The following RAB3IP variants were observed in gnomAD, a reference collection of about 807,000 sequenced individuals.
RAB3IP encodes the protein rab-3A-interacting protein.
Under a neutral mutation model 59.1 loss-of-function variants are expected in RAB3IP, and 36 were observed. That is an observed-to-expected ratio of 0.61 (90% CI 0.47 to 0.80). The LOEUF (loss-of-function observed/expected upper bound fraction) is 0.80. Among genes scored for constraint, RAB3IP ranks in the 30% least tolerant of loss-of-function variants. The pLI is 0.00. For missense variants in RAB3IP, 511 were observed against 536.0 expected (o/e 0.95, Z 0.46); for synonymous variants, 207 against 191.2 (o/e 1.08, Z -0.68).
At chr12:69,780,941 C>G (rs1874594911) in intron 3 of RAB3IP, among the ~76,000 whole-genome samples, 3 of 152,032 alleles carry the variant, frequency 2.0e-5, no homozygotes, top group Non-Finnish European at 2.9e-5. Context: ...TAAACTGTCT[C>G]TTCCCTTTTC....
chr12:69,760,995 C>CCT (rs1232789168), intron 3 of RAB3IP, among the ~76,000 whole-genome samples: 2 of 151,916 alleles, frequency 1.3e-5, no homozygotes, highest in South Asian at 2.1e-4. Context: ...TTCCATTCTT[C>CCT]CTCTCTCTCT....
chr12:69,756,691 A>G (rs556194330), intron 3 of RAB3IP, 28 bp downstream of exon 3: 1 of 1,562,614 alleles, frequency 6.4e-7, no homozygotes, highest in Admixed American at 1.9e-5. Context: ...TTATTCTTCC[A>G]TATATTATAT....
At chr12:69,787,665 A>T (rs1592558814) in intron 4 of RAB3IP, among the ~76,000 whole-genome samples, 3 of 152,062 alleles carry the variant, frequency 2.0e-5, no homozygotes, top group Admixed American at 2.0e-4. Context: ...TTTTGATGCT[A>T]CCTCCAGGAC....
intron 3 of RAB3IP, among the ~76,000 whole-genome samples, chr12:69,757,602 A>AG (rs1870432068): frequency 2.0e-5 from 3 of 152,338 alleles, no homozygotes; most frequent in Middle Eastern, 3.4e-3. Context: ...AAAATTGAGA[A>AG]GGTAGGGCAA....
chr12:69,756,337 G>A (rs1489178591), intron 2 of RAB3IP, 68 bp from the exon 3 acceptor site: 1 of 1,525,716 alleles, frequency 6.6e-7, no homozygotes, highest in South Asian at 1.2e-5. Context: ...TTCTAGAGCT[G>A]TGTGTTTAAG....
chr12:69,794,767 C>T (rs1877178859), intron 5 of RAB3IP, among the ~76,000 whole-genome samples: 1 of 152,138 alleles, frequency 6.6e-6, no homozygotes, highest in Admixed American at 6.5e-5. Context: ...TATAGAATCA[C>T]ATTTTAATGT....
chr12:69,792,232 G>A (rs963625757), intron 4 of RAB3IP, among the ~76,000 whole-genome samples: 1 of 152,068 alleles, frequency 6.6e-6, no homozygotes, highest in Non-Finnish European at 1.5e-5. Context: ...AAGACCCAAT[G>A]TACAGCACGA....
In RAB3IP at chr12:69,755,177, C is replaced by A. The variant is rs78757108; in HGVS notation, c.-25-207C>A. ...GCTCACTGCAACCTGCATTTGGGCT[C>A]AAGCAATCCTCCCACCTCATCTTCC... is the stretch of plus-strand genomic sequence containing the variant. On this transcript the variant is annotated intron_variant, in intron 1 of 10. Transcript: ENST00000247833. Among the ~76,000 whole-genome samples the A allele has an allele frequency of 6.0e-3, 907 of 152,172 alleles. 10 individuals are homozygous for A. The highest frequency in any genetic ancestry group is 0.021 in the African/African-American group (865 of 41,520).
chr12:69,781,303 C>G (rs993991511), intron 3 of RAB3IP, among the ~76,000 whole-genome samples: 1 of 152,092 alleles, frequency 6.6e-6, no homozygotes, highest in Non-Finnish European at 1.5e-5. Flanking sequence ...TCCACACACG[C>G]ACAGCATCCC....
chr12:69,779,569 A>G (rs1451586336), intron 3 of RAB3IP, among the ~76,000 whole-genome samples: 4 of 145,072 alleles, frequency 2.8e-5, no homozygotes, highest in Admixed American at 6.8e-5. Flanking sequence ...CTCTACCTGT[A>G]TATTTTTCAC....
chr12:69,773,552 CCCTT>C (rs1873569129), intron 3 of RAB3IP, among the ~76,000 whole-genome samples: 2 of 131,374 alleles, frequency 1.5e-5, no homozygotes, highest in Non-Finnish European at 3.2e-5. Context: ...CCAATGCTAT[CCCTT>C]CCCCCTCCCC....
At chr12:69,747,195 G>T (rs967792718) in intron 1 of RAB3IP, among the ~76,000 whole-genome samples, 1 of 152,128 alleles carries the variant, frequency 6.6e-6, no homozygotes, top group African/African-American at 2.4e-5. Context: ...ATAATAGTAA[G>T]AGCCAGTCTT....
chr12:69,739,253 G>GT lies in RAB3IP; in HGVS notation c.-26+223dup, dbSNP rs373871864. 6.7e-3 allele frequency: 1,022 copies of GT among 152,284 alleles called. 9 individuals are homozygous for GT. Among genetic ancestry groups the GT allele is most frequent in the African/African-American group, 0.023 (951 of 41,534 alleles). 9.4% of individuals were successfully genotyped at this position (152,284 alleles called of 1,614,324 possible). ...GGCTCCGGGCCCTTGGGGGCGGCGTGTGGGGGGGACTTTGGCGACCCGGGT... is the reference window on the plus strand; with the variant it reads ...GGCTCCGGGCCCTTGGGGGCGGCGTGTTGGGGGGGACTTTGGCGACCCGGGT... On this transcript the variant is annotated intron_variant, in intron 1 of 10. Transcript: ENST00000247833.
At chr12:69,753,225 T>G (rs1869625589) in intron 1 of RAB3IP, among the ~76,000 whole-genome samples, 1 of 152,232 alleles carries the variant, frequency 6.6e-6, no homozygotes, top group South Asian at 2.1e-4. Context: ...TGCTGAAATC[T>G]TTTTGTTTTT....
intron 3 of RAB3IP, among the ~76,000 whole-genome samples, chr12:69,782,256 C>T (rs142771524): frequency 1.0e-3 from 158 of 152,312 alleles, no homozygotes; most frequent in African/African-American, 3.5e-3. Context: ...TCTCCACCTC[C>T]CGGGTTCAAG....
chr12:69,797,828 C>G (rs1361793271), intron 6 of RAB3IP, among the ~76,000 whole-genome samples: 1 of 152,096 alleles, frequency 6.6e-6, no homozygotes, highest in Non-Finnish European at 1.5e-5. Context: ...CCAGTTTCAT[C>G]CATGTCCCTA....
At chr12:69,764,310 T>G (rs1359069744) in intron 3 of RAB3IP, among the ~76,000 whole-genome samples, 3 of 152,236 alleles carry the variant, frequency 2.0e-5, no homozygotes, top group African/African-American at 7.2e-5. Context: ...TATCTTAATT[T>G]TTGTATATGG....
upstream of RAB3IP, chr12:69,738,783 G>A (rs1886925110): frequency 1.3e-5 from 2 of 151,952 alleles, no homozygotes; most frequent in Admixed American, 1.3e-4. Flanking sequence ...GCCCCTGCCG[G>A]CCACACCCCC....
chr12:69,786,687 C>T (rs1326152503), intron 4 of RAB3IP, among the ~76,000 whole-genome samples: 1 of 152,110 alleles, frequency 6.6e-6, no homozygotes, highest in Non-Finnish European at 1.5e-5. Flanking sequence ...CTTAGTTTCA[C>T]CCATCTGCAC....
Sources: gnomAD v4.1 joint callset for allele counts (sites outside exome capture counted in the v4.1 genomes callset) on GRCh38, gnomAD v4.1.1 for gene constraint, MANE v1.5 for transcripts, NCBI Gene and HGNC (gene_info 2026-07-23, HGNC 2026-07-21) for gene names.